Variants in NEU3 observed in about 807,000 individuals in gnomAD.
NEU3 encodes the protein sialidase-3.
A neutral mutation model predicts 11.4 loss-of-function variants in NEU3; 10 were observed. The observed-to-expected ratio is 0.88, with a 90% CI of 0.54 to 1.49. NEU3 has a LOEUF of 1.49. Among genes scored for constraint, NEU3 ranks in the 40% most tolerant of loss-of-function variants. NEU3 has a pLI of 0.00. For missense variants in NEU3, 529 were observed against 581.8 expected (o/e 0.91, Z 0.93); for synonymous variants, 212 against 228.2 (o/e 0.93, Z 0.64).
At chr11:74,990,026 C>T (rs1412480526) in intron 1 of NEU3, 2 of 702,304 alleles carry the variant, frequency 2.8e-6, no homozygotes, top group Non-Finnish European at 2.6e-6. Flanking sequence ...TTACTTCTGT[C>T]ATCAACACGA....
downstream of NEU3, among the ~76,000 whole-genome samples, chr11:75,019,228 C>A (rs1330885562): frequency 2.6e-5 from 4 of 152,234 alleles, no homozygotes; most frequent in Non-Finnish European, 5.9e-5. Context: ...GAAATTCAAG[C>A]TGGCTCTAGA....
chr11:75,002,721 G>A (rs1478538897), intron 2 of NEU3, among the ~76,000 whole-genome samples: 1 of 152,212 alleles, frequency 6.6e-6, no homozygotes, highest in Non-Finnish European at 1.5e-5. Context: ...AATGTCGTCA[G>A]CATCTGAGAA....
At chr11:74,992,996 A>G (rs1948748962) in intron 1 of NEU3, among the ~76,000 whole-genome samples, 2 of 152,140 alleles carry the variant, frequency 1.3e-5, no homozygotes, top group African/African-American at 4.8e-5. Context: ...TTATAGCTGA[A>G]TTTGCAAGAA....
In NEU3 at chr11:75,007,365, C is replaced by T. The variant is rs1948909737; in HGVS notation, c.*873C>T. 6.6e-6 allele frequency: 1 copy of T among 152,168 alleles called. No homozygotes were observed. The highest frequency in any genetic ancestry group is 2.4e-5 in the African/African-American group (1 of 41,424). The allele number at this position is 152,168 out of a possible 1,614,324, so 9.4% of individuals were successfully genotyped here. ...TCAAGGAGTTCACCAGTTTATGGGG[C>T]TAGAAGAGCGAGAAAATTCAAGAAA... On this transcript the variant is annotated 3_prime_UTR_variant, in exon 3 of 3. Transcript: ENST00000294064.
chr11:74,985,609 G>A (rs992280249), upstream of NEU3, among the ~76,000 whole-genome samples: 17 of 152,108 alleles, frequency 1.1e-4, no homozygotes, highest in Non-Finnish European at 2.1e-4. Flanking sequence ...GGACCCACGC[G>A]ACTCAGCATA....
At chr11:75,014,332 G>T (rs1948972331), downstream of NEU3, among the ~76,000 whole-genome samples, 1 of 152,224 alleles carries the variant, frequency 6.6e-6, no homozygotes, top group African/African-American at 2.4e-5. Context: ...TGAGTCACAA[G>T]TTGGAGATAG....
At chr11:74,981,313 C>T in the NEU3 span, among the ~76,000 whole-genome samples, 53 of 152,142 alleles carry the variant, frequency 3.5e-4, no homozygotes, top group Non-Finnish European at 2.9e-5. Context: ...GAAAGAGAAA[C>T]TTGGGAGAGG....
Position 74,989,110 on chromosome 11 carries a change from C to T in NEU3, c.50C>T (p.Ser17Phe), listed in dbSNP as rs1247877165. The change falls in exon 1 of 3, where the codon TCC becomes TTC. Residue 17 changes from serine to phenylalanine, a missense_variant. Transcript: ENST00000294064. ...CGCCCCATGGAAGAATCCCCGGCGT[C>T]CAGCTCTGCCCCGACAGAGACGGAG... Reference protein sequence around the residue: ...PPRPMEESPASSSAPTETEEP... With the variant: ...PPRPMEESPAFSSAPTETEEP... 4 of 1,551,008 alleles carry T rather than the reference C, an allele frequency of 2.6e-6. No individual in the cohort carries two copies. Among genetic ancestry groups the T allele is most frequent in the Non-Finnish European group, 3.5e-6 (4 of 1,146,952 alleles).
Position 74,989,038 on chromosome 11 carries a change from G to T in NEU3, c.-23G>T. 1 of 1,539,330 alleles carries T rather than the reference G, an allele frequency of 6.5e-7. No individual in the cohort carries two copies. The highest frequency in any genetic ancestry group is 8.8e-7 in the Non-Finnish European group (1 of 1,137,844). On this transcript the variant is annotated 5_prime_UTR_variant, in exon 1 of 3. Transcript: ENST00000294064. ...CTCAGTCTCCCCAGCCTTGGGGCCG[G>T]TGCCTCTTCCGGGCTTCGGCGAATG...
At chr11:74,995,110 C>A (rs1227065203) in intron 2 of NEU3, 1 of 498,488 alleles carries the variant, frequency 2.0e-6, no homozygotes, top group African/African-American at 1.9e-5. Context: ...ATTTATATTC[C>A]ATTTAATCCT....
chr11:74,987,886 C>CTTTTTTTTTTTTTTTTTTT, upstream of NEU3, among the ~76,000 whole-genome samples: 2 of 83,258 alleles, frequency 2.4e-5, 1 homozygote, highest in African/African-American at 1.1e-4. Flanking sequence ...GGTTCTAGGC[C>CTTTTTTTTTTTTTTTTTTT]TTTTTTTTTT....
Position 75,016,439 on chromosome 11 carries a change from C to T in NEU3, c.*2-2252C>T, listed in dbSNP as rs529923379. Among the ~76,000 whole-genome samples, 4 of 152,202 alleles carry T rather than the reference C, an allele frequency of 2.6e-5. No individual in the cohort carries two copies. The South Asian group carries it at 8.3e-4, about 32-fold the overall frequency. ...ACTCTATGTGCCTGGTTTCAAAGCT[C>T]AGGTTTCTGTTTTGAAGTTGAATTA... On this transcript the variant is annotated intron_variant, in intron 3 of 3. Transcript: ENST00000529024.
At chr11:75,020,401 C>A (rs1280996848), downstream of NEU3, among the ~76,000 whole-genome samples, 1 of 152,144 alleles carries the variant, frequency 6.6e-6, no homozygotes, top group Non-Finnish European at 1.5e-5. Flanking sequence ...TTCCACCACC[C>A]AAATCTCATC....
chr11:74,988,468 A>G (rs1948691853), upstream of NEU3: 1 of 152,346 alleles, frequency 6.6e-6, no homozygotes, highest in Admixed American at 6.5e-5. Flanking sequence ...TATGTGACAA[A>G]TCTATGTATG....
chr11:74,994,657 G>T lies in NEU3; in HGVS notation c.243G>T (p.Arg81Ser). ...CCTTTGCAGAGAAGCGTTCTACGAG[G>T]AGAGATGAGGATGCTCTCCACCTGG... is the stretch of plus-strand genomic sequence containing the variant. ...FLAFAEKRST[R>S]RDEDALHLVL... The change falls in exon 2 of 3, where the codon AGG (arginine) becomes AGT (serine). Residue 81 changes from arginine to serine, a missense_variant. Physicochemically the swap from Arg to Ser is moderately radical, Grantham distance 110 (BLOSUM62 -1). Transcript: ENST00000294064. 1 of 1,614,028 alleles carries T rather than the reference G, an allele frequency of 6.2e-7. No individual in the cohort carries two copies. The highest frequency in any genetic ancestry group is 8.5e-7 in the Non-Finnish European group (1 of 1,179,900).
chr11:74,998,419 A>C (rs1181849541), intron 2 of NEU3, among the ~76,000 whole-genome samples: 1 of 152,168 alleles, frequency 6.6e-6, no homozygotes, highest in African/African-American at 2.4e-5. Context: ...ACATAGGCCT[A>C]TATTTCTTAT....
Position 75,006,000 on chromosome 11 carries a change from A to G in NEU3, c.894A>G (p.Arg298=). 6.2e-7 allele frequency: 1 copy of G among 1,613,960 alleles called. No individual in the cohort carries two copies. The highest frequency in any genetic ancestry group is 8.5e-7 in the Non-Finnish European group (1 of 1,179,888). ...CTGACCATGGTGAAGGCTTTCAGAG[A>G]CTGGCCCTGAGTCGACAGCTCTGTG... ...LSTDHGEGFQ[R]LALSRQLCEP... Residue 298 remains arginine, a synonymous_variant, in exon 3 of 3, where the codon AGA becomes AGG. Transcript: ENST00000294064.
At position 75,010,876 on chromosome 11, in the gene NEU3, A is replaced by G. The variant is rs764185732; in HGVS notation, c.*4384A>G. Reference sequence around the variant, plus strand: ...AAAACTACCATCGTTCTTTGAAACAACAAAGAGGAATAAAGAACTTAATTC... The same window carrying G: ...AAAACTACCATCGTTCTTTGAAACAGCAAAGAGGAATAAAGAACTTAATTC... On this transcript the variant is annotated 3_prime_UTR_variant, in exon 3 of 3. Coordinates refer to ENST00000294064, the MANE Select transcript of NEU3 (RefSeq NM_006656.6). 5 of 152,204 alleles carry G rather than the reference A, an allele frequency of 3.3e-5. No homozygotes were observed. The highest frequency in any genetic ancestry group is 5.9e-5 in the Non-Finnish European group (4 of 68,040). The allele number at this position is 152,204 out of a possible 1,614,324, so 9.4% of individuals were successfully genotyped here.
intron 2 of NEU3, among the ~76,000 whole-genome samples, chr11:75,002,317 C>A (rs190767577): frequency 1.3e-5 from 2 of 152,124 alleles, no homozygotes; most frequent in East Asian, 1.9e-4. Flanking sequence ...CTATGATCTG[C>A]GCCTGCTTAA....
Sources: allele counts gnomAD v4.1 joint callset (sites outside exome capture counted in the v4.1 genomes callset), GRCh38; gene constraint gnomAD v4.1.1; transcripts MANE v1.5; gene names NCBI Gene and HGNC (gene_info 2026-07-23, HGNC 2026-07-21).